Variants in UNC80 observed in about 807,000 individuals in gnomAD.
The protein encoded by UNC80 is protein unc-80 homolog.
A neutral mutation model predicts 384.6 loss-of-function variants in UNC80; 164 were observed. The ratio of observed to expected loss-of-function variants is 0.43; its 90% CI spans 0.38 to 0.49. The LOEUF (loss-of-function observed/expected upper bound fraction) is 0.49. Ranked by LOEUF, UNC80 falls within the 20% of genes least tolerant of loss-of-function variation. UNC80 has a pLI of 0.00. For synonymous variants in UNC80, 1,486 were observed against 1,527.8 expected (o/e 0.97, Z 0.64); for missense variants, 3,330 against 4,143.0 (o/e 0.80, Z 5.39).
chr2:209,883,475 G>A (rs1276596203), intron 25 of UNC80, among the ~76,000 whole-genome samples: 2 of 135,360 alleles, frequency 1.5e-5, no homozygotes, highest in Non-Finnish European at 3.1e-5. Flanking sequence ...CTGTTGCCCA[G>A]GCTGGAGTGC....
Position 209,825,899 on chromosome 2 carries a change from G to T in UNC80, c.2332-8G>T. 5 of 1,521,108 alleles carry T rather than the reference G, an allele frequency of 3.3e-6. No individual in the cohort carries two copies. The highest frequency in any genetic ancestry group is 4.4e-6 in the Non-Finnish European group (5 of 1,135,316). The allele number at this position is 1,521,108 out of a possible 1,614,324, so 94.2% of individuals were successfully genotyped here. On this transcript the variant is annotated splice_polypyrimidine_tract_variant and splice_region_variant and intron_variant, in intron 13 of 64. Transcript: ENST00000673920. ...GACTTTTCTTTCTTTCTCATTCGTG[G>T]GTACCAGGATGAAAGTACACCTGTA...
rs958955960 is a variant in UNC80 at position 209,839,032 on chromosome 2, CAAG to C, written c.3042-185_3042-183del. Among the ~76,000 whole-genome samples the C allele has an allele frequency of 9.2e-5, 14 of 152,254 alleles. No homozygotes were observed. Among genetic ancestry groups the C allele is most frequent in the Admixed American group, 2.0e-4 (3 of 15,290 alleles). The stretch of plus-strand genomic sequence containing the variant: ...GTCATAGCAGAGACATGACTATTTT[CAAG>C]AAGAGCTCAGAAGATGAACCTTGAT... On this transcript the variant is annotated intron_variant, in intron 18 of 64. Coordinates refer to ENST00000673920, the MANE Select transcript of UNC80 (RefSeq NM_001371986.1). This position sits in a 1 kb window ranked among gnomAD's most constrained non-coding sequence, Gnocchi z 4.1.
chr2:209,993,497 C>G, intron 63 of UNC80, 71 bp downstream of exon 63: 1 of 1,342,750 alleles, frequency 7.4e-7, no homozygotes, highest in Non-Finnish European at 1.0e-6. Flanking sequence ...GGAAGGCTTA[C>G]AAAAACCAAG....
intron 46 of UNC80, among the ~76,000 whole-genome samples, chr2:209,945,524 T>C (rs1369430518): frequency 6.6e-6 from 1 of 152,184 alleles, no homozygotes; most frequent in Admixed American, 6.5e-5. Context: ...TTTATTATCA[T>C]GGAATGTGTA....
At chr2:209,849,408 G>A (rs770637159) in intron 21 of UNC80, 43 bp from the exon 22 acceptor site, 15 of 1,544,664 alleles carry the variant, frequency 9.7e-6, no homozygotes, top group South Asian at 4.8e-5. Context: ...GATCCTTTAC[G>A]TTCTCTCTCT....
At position 209,789,619 on chromosome 2, in the gene UNC80, A is replaced by T. The variant is rs1229651834; in HGVS notation, c.798+14A>T. ...AGACACTTAGAGGTTAGTTTATTAT[A>T]ATCATAAGAAGAAGGGAGGCAGAAA... On this transcript the variant is annotated intron_variant, in intron 6 of 64. Transcript: ENST00000673920. 1 of 1,590,958 alleles carries T rather than the reference A, an allele frequency of 6.3e-7. No homozygotes were observed. The highest frequency in any genetic ancestry group is 8.6e-7 in the Non-Finnish European group (1 of 1,159,732).
At chr2:209,946,079 G>T in intron 47 of UNC80, 136 bp downstream of exon 47, 1 of 681,886 alleles carries the variant, frequency 1.5e-6, no homozygotes, top group Non-Finnish European at 2.5e-6. Context: ...ACTAAATTTA[G>T]GCCAGGTGTG....
chr2:209,921,753 C>T (rs2090054824), intron 34 of UNC80, 67 bp downstream of exon 34: 5 of 1,446,796 alleles, frequency 3.5e-6, no homozygotes, highest in Non-Finnish European at 4.6e-6. Context: ...CTGAAATTAA[C>T]ATTGACAATT....
intron 25 of UNC80, among the ~76,000 whole-genome samples, chr2:209,886,608 G>A (rs1258044622): frequency 6.6e-6 from 1 of 152,002 alleles, no homozygotes; most frequent in African/African-American, 2.4e-5. Context: ...AGATGGTGAT[G>A]GAACTCCTGT....
intron 25 of UNC80, among the ~76,000 whole-genome samples, chr2:209,887,198 G>T (rs1559266809): frequency 6.6e-6 from 1 of 151,962 alleles, no homozygotes. Flanking sequence ...CACCTCGCCC[G>T]GCTAATTTTG....
At chr2:209,778,545 A>G (rs73074777) in intron 4 of UNC80, among the ~76,000 whole-genome samples, 42,417 of 152,168 alleles carry the variant, frequency 0.28, 6,375 homozygotes, top group Non-Finnish European at 0.34. Context: ...ATCTCAAAAT[A>G]CAATCATATC....
intron 4 of UNC80, among the ~76,000 whole-genome samples, chr2:209,785,017 C>G (rs1265902577): frequency 6.6e-6 from 1 of 151,136 alleles, no homozygotes; most frequent in Non-Finnish European, 1.5e-5. Context: ...TTCCTTCCAT[C>G]CCAATGGTTT....
rs1341483937 is a variant in UNC80 at position 209,844,484 on chromosome 2, C to CTTCT, written c.3454+2041_3454+2042insTTTC. On this transcript the variant is annotated intron_variant, in intron 21 of 64. Coordinates refer to ENST00000673920, the MANE Select transcript of UNC80 (RefSeq NM_001371986.1). Reference sequence around the variant, plus strand: ...CTTTCTTTCTTTCTTTCTTTCCTTCCTTCCTTCCTTCCTTCCTTCCTTCCT... The same window carrying CTTCT: ...CTTTCTTTCTTTCTTTCTTTCCTTCCTTCTTTCCTTCCTTCCTTCCTTCCTTCCT... Among the ~76,000 whole-genome samples the CTTCT allele has an allele frequency of 2.1e-3, 130 of 63,008 alleles. 7 individuals carry two copies. The highest frequency in any genetic ancestry group is 8.6e-3 in the African/African-American group (119 of 13,882). 41.3% of individuals were successfully genotyped at this position (63,008 alleles called of 152,430 possible).
intron 35 of UNC80, 135 bp downstream of exon 35, chr2:209,922,518 A>G: frequency 2.7e-6 from 3 of 1,113,082 alleles, no homozygotes; most frequent in Non-Finnish European, 3.7e-6. Context: ...TCTAAAAAAA[A>G]TTAGCATGGC....
intron 14 of UNC80, among the ~76,000 whole-genome samples, chr2:209,827,238 A>G (rs1415876774): frequency 6.6e-6 from 1 of 152,098 alleles, no homozygotes; most frequent in Non-Finnish European, 1.5e-5. Flanking sequence ...TTGATTTTAA[A>G]TTGTATTACA....
intron 41 of UNC80, 128 bp downstream of exon 41, chr2:209,937,061 A>G (rs1287495878): frequency 4.7e-6 from 3 of 632,364 alleles, no homozygotes; most frequent in Middle Eastern, 2.6e-4. Context: ...GGGTCACACC[A>G]TCTTACTATC....
chr2:209,952,989 A>G (rs1045257682), intron 47 of UNC80, among the ~76,000 whole-genome samples: 47 of 152,344 alleles, frequency 3.1e-4, no homozygotes, highest in African/African-American at 1.1e-3. Flanking sequence ...AGAGCATAGC[A>G]AAAACTCATT....
At chr2:209,850,357 A>G (rs924011280) in intron 22 of UNC80, among the ~76,000 whole-genome samples, 8 of 152,260 alleles carry the variant, frequency 5.3e-5, no homozygotes, top group African/African-American at 1.9e-4. Context: ...CAGGAAAAAA[A>G]GTATTTTATT....
intron 16 of UNC80, 95 bp downstream of exon 16, chr2:209,831,686 T>C: frequency 7.7e-7 from 1 of 1,305,896 alleles, no homozygotes; most frequent in Non-Finnish European, 1.0e-6. Flanking sequence ...AGCTGAAATC[T>C]AAAAGTCTAC....
Sources: gnomAD v4.1 joint callset for allele counts (sites outside exome capture counted in the v4.1 genomes callset) on GRCh38, gnomAD v4.1.1 for gene constraint, Gnocchi (gnomAD v3.1) non-coding constraint, MANE v1.5 for transcripts, NCBI Gene and HGNC (gene_info 2026-07-23, HGNC 2026-07-21) for gene names.